GRHL2: variants seen among roughly 807,000 people sequenced by gnomAD.
GRHL2 encodes the protein grainyhead like transcription factor 2, also known as grainyhead-like protein 2 homolog.
GRHL2 carries 21 observed loss-of-function variants against 83.8 expected under a neutral mutation model. The ratio of observed to expected loss-of-function variants is 0.25; its 90% CI spans 0.18 to 0.36. The LOEUF is 0.36. Ranked by LOEUF, GRHL2 falls within the 10% of genes least tolerant of loss-of-function variation. The pLI is 1.00. For synonymous variants in GRHL2, 280 were observed against 278.9 expected (o/e 1.00, Z -0.04); for missense variants, 623 against 781.8 (o/e 0.80, Z 2.42).
intron 7 of GRHL2, among the ~76,000 whole-genome samples, chr8:101,596,319 C>T (rs1307419565): frequency 1.3e-5 from 2 of 152,068 alleles, no homozygotes; most frequent in South Asian, 2.1e-4. Flanking sequence ...CATGCATATG[C>T]GCTGTTACTG....
chr8:101,557,009 A>G (rs1811500949), intron 3 of GRHL2, among the ~76,000 whole-genome samples: 1 of 151,996 alleles, frequency 6.6e-6, no homozygotes, highest in African/African-American at 2.4e-5. Context: ...TTCAGCAATG[A>G]TAAATTTTTG....
chr8:101,515,176 G>GCACGCACACACACA (rs1554582182), intron 1 of GRHL2, among the ~76,000 whole-genome samples: 2 of 144,548 alleles, frequency 1.4e-5, no homozygotes, highest in Middle Eastern at 3.4e-3. Context: ...CTGTCTCTCT[G>GCACGCACACACACA]CACACACACA....
chr8:101,558,349 T>C (rs1811529468), intron 3 of GRHL2, 70 bp from the exon 4 acceptor site: 2 of 1,559,172 alleles, frequency 1.3e-6, no homozygotes, highest in Non-Finnish European at 1.8e-6. Context: ...CTGCATTGGT[T>C]ATTCTATTAG....
intron 14 of GRHL2, among the ~76,000 whole-genome samples, chr8:101,656,170 A>C (rs1319596435): frequency 6.6e-6 from 1 of 152,140 alleles, no homozygotes; most frequent in East Asian, 1.9e-4. Context: ...TCTCTTCCCC[A>C]GTTGAATGTC....
intron 7 of GRHL2, among the ~76,000 whole-genome samples, chr8:101,584,762 G>A (rs547554694): frequency 2.6e-5 from 4 of 152,238 alleles, no homozygotes; most frequent in South Asian, 2.1e-4. Context: ...AAGAGGTGAC[G>A]TCCACATGTT....
chr8:101,544,467 CA>C (rs553773327), intron 2 of GRHL2, among the ~76,000 whole-genome samples: 1 of 152,114 alleles, frequency 6.6e-6, no homozygotes, highest in Non-Finnish European at 1.5e-5. Context: ...GGAAATCAAA[CA>C]AAAACAATGA....
At position 101,559,351 on chromosome 8, in the gene GRHL2, T is replaced by TGCAAAAAAAAAAAAAAAAAA. The variant is rs1285229771; in HGVS notation, c.678+539_678+540insGCAAAAAAAAAAAAAAAAAA. ...GGTGAACTCCTGTCTCTACTAAAAA[T>TGCAAAAAAAAAAAAAAAAAA]ACAAAAAAAAAAAAAAAAAAAAAAA... On this transcript the variant is annotated intron_variant, in intron 4 of 15. Transcript: ENST00000646743. Among the ~76,000 whole-genome samples the TGCAAAAAAAAAAAAAAAAAA allele has an allele frequency of 8.3e-4, 16 of 19,224 alleles. 2 individuals carry two copies. The highest frequency in any genetic ancestry group is 1.6e-3 in the East Asian group (1 of 618). 12.6% of individuals were successfully genotyped at this position (19,224 alleles called of 152,430 possible).
intron 1 of GRHL2, among the ~76,000 whole-genome samples, chr8:101,518,765 C>T (rs1810622830): frequency 6.6e-6 from 1 of 152,184 alleles, no homozygotes; most frequent in South Asian, 2.1e-4. Context: ...AAGTTCTTTC[C>T]ATCTCTGCTA....
At chr8:101,599,958 G>GT (rs1367958253) in intron 8 of GRHL2, among the ~76,000 whole-genome samples, 2 of 152,134 alleles carry the variant, frequency 1.3e-5, no homozygotes, top group African/African-American at 4.8e-5. Flanking sequence ...ACCTAAGCTT[G>GT]TTTTTTGCTT....
At chr8:101,601,946 T>A (rs1812523876) in intron 8 of GRHL2, among the ~76,000 whole-genome samples, 1 of 152,098 alleles carries the variant, frequency 6.6e-6, no homozygotes, top group African/African-American at 2.4e-5. Context: ...TTGCATGCAT[T>A]AGGTATTTGT....
chr8:101,602,262 G>A lies in GRHL2; in HGVS notation c.1098+3111G>A, dbSNP rs147518461. On this transcript the variant is annotated intron_variant, in intron 8 of 15. Coordinates refer to ENST00000646743, the MANE Select transcript of GRHL2 (RefSeq NM_024915.4). ...AGGCAAAATTGCATGATTGTTGACA[G>A]AAAGGTTTTCAACAAAGCAAGAAGT... Among the ~76,000 whole-genome samples the A allele has an allele frequency of 3.0e-3, 461 of 152,266 alleles. 1 individual carries two copies. The highest frequency in any genetic ancestry group is 0.011 in the African/African-American group (439 of 41,542).
chr8:101,586,056 C>T (rs1301727532), intron 7 of GRHL2, among the ~76,000 whole-genome samples: 1 of 137,260 alleles, frequency 7.3e-6, no homozygotes, highest in African/African-American at 2.8e-5. Flanking sequence ...TTCCTTCCAC[C>T]TCATGTTTCT....
chr8:101,541,193 C>T (rs1223302713), intron 1 of GRHL2, among the ~76,000 whole-genome samples: 1 of 141,168 alleles, frequency 7.1e-6, no homozygotes, highest in African/African-American at 2.6e-5. Context: ...TGTGTGTGTA[C>T]ACCATGTTTT....
At chr8:101,513,160 A>T (rs988930136) in intron 1 of GRHL2, among the ~76,000 whole-genome samples, 6 of 151,994 alleles carry the variant, frequency 3.9e-5, no homozygotes, top group Non-Finnish European at 7.4e-5. Flanking sequence ...TTACAGGGTC[A>T]TGTTGTTGTT....
At chr8:101,601,877 G>T (rs1032110852) in intron 8 of GRHL2, among the ~76,000 whole-genome samples, 36 of 152,190 alleles carry the variant, frequency 2.4e-4, no homozygotes, top group African/African-American at 8.2e-4. Context: ...GTGCCATGAT[G>T]GTTTGCTGCC....
At chr8:101,583,042 T>C (rs1460370263) in intron 7 of GRHL2, among the ~76,000 whole-genome samples, 1 of 152,184 alleles carries the variant, frequency 6.6e-6, no homozygotes, top group Non-Finnish European at 1.5e-5. Flanking sequence ...TCATCAGCCC[T>C]CCCAGAACTT....
chr8:101,677,860 A>C, the GRHL2 span, among the ~76,000 whole-genome samples: 1 of 152,212 alleles, frequency 6.6e-6, no homozygotes, highest in Non-Finnish European at 1.5e-5. Flanking sequence ...CGTTCACTGT[A>C]GAGAACCCTG....
chr8:101,574,166 C>T (rs1811886147), intron 6 of GRHL2, among the ~76,000 whole-genome samples: 1 of 152,184 alleles, frequency 6.6e-6, no homozygotes, highest in African/African-American at 2.4e-5. Flanking sequence ...CAGAACCCCT[C>T]TGTGGGTGAG....
chr8:101,564,788 G>C (rs534541469), intron 4 of GRHL2, among the ~76,000 whole-genome samples: 2 of 134,418 alleles, frequency 1.5e-5, no homozygotes, highest in Admixed American at 7.8e-5. Context: ...CTCCAACTTG[G>C]GTGACAGAGC....
Sources: allele counts gnomAD v4.1 joint callset (sites outside exome capture counted in the v4.1 genomes callset), GRCh38; gene constraint gnomAD v4.1.1; transcripts MANE v1.5; gene names NCBI Gene and HGNC (gene_info 2026-07-23, HGNC 2026-07-21).